NELL1: variants seen among roughly 807,000 people sequenced by gnomAD.
The protein encoded by NELL1 is neural EGFL like 1, also known as protein kinase C-binding protein NELL1.
In NELL1, 76 loss-of-function variants were observed where a neutral mutation model predicts 107.4. That is an observed-to-expected ratio of 0.71 (90% CI 0.59 to 0.86). NELL1 has a LOEUF of 0.86. NELL1 is among the 40% of genes least tolerant of loss of function. The pLI, the probability that NELL1 is intolerant of heterozygous loss-of-function variation, is 0.00. For missense variants in NELL1, 1,024 were observed against 1,005.5 expected, an observed-to-expected ratio of 1.02 and a Z score of -0.25; for synonymous variants, 353 against 341.2, an observed-to-expected ratio of 1.03 and a Z score of -0.38.
chr11:20,787,233 T>C (rs1244230581), intron 3 of NELL1, among the ~76,000 whole-genome samples: 1 of 151,886 alleles, frequency 6.6e-6, no homozygotes, highest in Non-Finnish European at 1.5e-5. Context: ...AGACTGTGGA[T>C]TTGTAATGTA....
chr11:21,152,299 C>T (rs915299742), intron 13 of NELL1, among the ~76,000 whole-genome samples: 8 of 152,128 alleles, frequency 5.3e-5, no homozygotes, highest in African/African-American at 1.9e-4. Context: ...TCCTCGCCAC[C>T]TTCATGTCTG....
chr11:20,982,588 G>T (rs2134245824), intron 12 of NELL1, among the ~76,000 whole-genome samples: 1 of 152,310 alleles, frequency 6.6e-6, no homozygotes, highest in East Asian at 1.9e-4. Flanking sequence ...TGAGATATAG[G>T]ATGTTATTCA....
chr11:20,712,548 AC>A (rs1855139549), intron 2 of NELL1, among the ~76,000 whole-genome samples: 1 of 152,066 alleles, frequency 6.6e-6, no homozygotes, highest in Non-Finnish European at 1.5e-5. Flanking sequence ...GTGTTATAGA[AC>A]CTGTTTTGTC....
chr11:21,021,364 T>C (rs1271137656), intron 12 of NELL1, among the ~76,000 whole-genome samples: 3 of 152,058 alleles, frequency 2.0e-5, no homozygotes, highest in Admixed American at 2.0e-4. Flanking sequence ...GAAAATGCCA[T>C]GAATGATCAA....
chr11:21,358,713 G>A (rs953519969), intron 14 of NELL1, among the ~76,000 whole-genome samples: 11 of 144,024 alleles, frequency 7.6e-5, no homozygotes, highest in Admixed American at 7.1e-4. Flanking sequence ...CACCGTGCCC[G>A]GCCTTTTTGT....
chr11:20,812,878 G>A (rs569349257), intron 3 of NELL1, among the ~76,000 whole-genome samples: 282 of 150,636 alleles, frequency 1.9e-3, no homozygotes, highest in Non-Finnish European at 2.8e-3. Flanking sequence ...CGAGGTGGCG[G>A]GCGCCTGTAG....
At chr11:21,055,310 A>G (rs576071475) in intron 12 of NELL1, among the ~76,000 whole-genome samples, 5 of 151,550 alleles carry the variant, frequency 3.3e-5, no homozygotes, top group East Asian at 3.9e-4. Flanking sequence ...AAATTGTTTT[A>G]TTCTTCTTTT....
intron 14 of NELL1, among the ~76,000 whole-genome samples, chr11:21,259,786 T>C (rs928444196): frequency 2.0e-5 from 3 of 151,984 alleles, no homozygotes; most frequent in African/African-American, 7.2e-5. Context: ...AGAATTAGCT[T>C]GCATAGCTTT....
intron 4 of NELL1, among the ~76,000 whole-genome samples, chr11:20,873,362 A>G (rs764085551): frequency 7.9e-5 from 12 of 152,174 alleles, no homozygotes; most frequent in Non-Finnish European, 1.3e-4. Context: ...ACTAGATACT[A>G]TGTTCTAACC....
rs397772940 is a variant in NELL1 at position 20,841,319 on chromosome 11, G to GTTTT, written c.336-6249_336-6246dup. The stretch of plus-strand genomic sequence containing the variant: ...CATAATACACAGCACCTCTGCTCAT[G>GTTTT]TTTTTTTTTTTTTTTTTTGGTGACA... On this transcript the variant is annotated intron_variant, in intron 3 of 19. Transcript: ENST00000357134. Among the ~76,000 whole-genome samples the GTTTT allele has an allele frequency of 9.5e-3, 1,169 of 123,488 alleles. 7 individuals are homozygous for GTTTT. Among genetic ancestry groups the GTTTT allele is most frequent in the Non-Finnish European group, 0.015 (872 of 57,800 alleles). The allele number at this position is 123,488 out of a possible 152,430, so 81.0% of individuals were successfully genotyped here.
intron 13 of NELL1, among the ~76,000 whole-genome samples, chr11:21,150,335 G>C (rs539007887): frequency 1.3e-5 from 2 of 152,328 alleles, no homozygotes; most frequent in South Asian, 4.1e-4. Context: ...AGACTGGCAG[G>C]GGGGCAGAGG....
At chr11:21,001,235 G>GA (rs1263777617) in intron 12 of NELL1, among the ~76,000 whole-genome samples, 1 of 152,136 alleles carries the variant, frequency 6.6e-6, no homozygotes, top group African/African-American at 2.4e-5. Context: ...TAAGTGGTTG[G>GA]AAAGGTATGA....
At chr11:21,478,693 TAA>T (rs34265788) in intron 15 of NELL1, among the ~76,000 whole-genome samples, 119 of 139,818 alleles carry the variant, frequency 8.5e-4, no homozygotes, top group Non-Finnish European at 1.1e-3. Flanking sequence ...CACACCAAGT[TAA>T]AAAAAAAAAA....
intron 15 of NELL1, among the ~76,000 whole-genome samples, chr11:21,447,358 C>A (rs1853458243): frequency 6.6e-6 from 1 of 152,134 alleles, no homozygotes. Context: ...TCTCTGTAGC[C>A]ACTATAGCTG....
At chr11:21,213,761 G>A (rs1187889342) in intron 13 of NELL1, among the ~76,000 whole-genome samples, 2 of 152,082 alleles carry the variant, frequency 1.3e-5, no homozygotes, top group African/African-American at 4.8e-5. Flanking sequence ...TGAACACATG[G>A]CACTGGAGTC....
intron 12 of NELL1, among the ~76,000 whole-genome samples, chr11:21,005,630 AAC>A (rs1852312456): frequency 6.6e-6 from 1 of 152,196 alleles, no homozygotes; most frequent in Non-Finnish European, 1.5e-5. Context: ...TGGCATTAAC[AAC>A]ACAGTTTTGC....
intron 13 of NELL1, among the ~76,000 whole-genome samples, chr11:21,149,433 T>C (rs138394108): frequency 1.9e-4 from 29 of 152,266 alleles, no homozygotes; most frequent in Middle Eastern, 3.4e-3. Flanking sequence ...AAAGTCACAT[T>C]TTACATGGTA....
intron 12 of NELL1, among the ~76,000 whole-genome samples, chr11:21,041,240 A>AAAACT (rs1853222726): frequency 1.3e-5 from 2 of 152,172 alleles, no homozygotes; most frequent in South Asian, 4.1e-4. Flanking sequence ...CCACTGCTTT[A>AAAACT]AAACTAATCT....
At chr11:21,331,853 T>C (rs1489529852) in intron 14 of NELL1, among the ~76,000 whole-genome samples, 2 of 152,046 alleles carry the variant, frequency 1.3e-5, no homozygotes, top group African/African-American at 4.8e-5. Context: ...TGCTTATTGT[T>C]GAAATCTTCC....
Sources: gnomAD v4.1 joint callset for allele counts (sites outside exome capture counted in the v4.1 genomes callset) on GRCh38, gnomAD v4.1.1 for gene constraint, MANE v1.5 for transcripts, NCBI Gene and HGNC (gene_info 2026-07-23, HGNC 2026-07-21) for gene names.